Variants in SENP5 observed in about 807,000 individuals in gnomAD.
The protein encoded by SENP5 is SUMO specific peptidase 5, also known as sentrin-specific protease 5.
In SENP5, 21 loss-of-function variants were observed where a neutral mutation model predicts 74.2. That is an observed-to-expected ratio of 0.28 (90% confidence interval 0.20 to 0.41). The LOEUF (loss-of-function observed/expected upper bound fraction) is 0.41, where lower values mean the gene tolerates loss of function less well. SENP5 is among the 10% of genes least tolerant of loss of function. The probability of loss-of-function intolerance (pLI) is 1.00; values close to 1 mark genes in which losing one functional copy is unlikely to be tolerated. For synonymous variants in SENP5, 311 were observed against 312.7 expected (o/e 0.99, Z 0.06); for missense variants, 717 against 889.1 (o/e 0.81, Z 2.46).
chr3:196,912,926 CAAA>C (rs1026109982), intron 6 of SENP5: 4 of 151,834 alleles, frequency 2.6e-5, no homozygotes, highest in African/African-American at 9.7e-5. Context: ...CAAATTGAAA[CAAA>C]AACAGAAAGG....
chr3:196,886,505 A>G lies in SENP5; in HGVS notation c.1324A>G (p.Met442Val), dbSNP rs1215819241. ...TGTTCAAAATGAGAACTCATACCAG[A>G]TGGAGGAGGATGGATCTCTCAAGCA... The part of the protein sequence containing the change: ...KAVQNENSYQ[M>V]EEDGSLKQSI... Residue 442 changes from methionine (M) to valine (V), a missense_variant, in exon 2 of 10, where the codon ATG becomes GTG. Met to Val is a conservative substitution (Grantham distance 21). Transcript: ENST00000323460. 10 of 1,612,880 alleles carry G rather than the reference A, an allele frequency of 6.2e-6. No individual in the cohort carries two copies. The highest frequency in any genetic ancestry group is 8.5e-6 in the Non-Finnish European group (10 of 1,179,630).
intron 1 of SENP5, among the ~76,000 whole-genome samples, chr3:196,868,304 G>A (rs1399786977): frequency 6.6e-6 from 1 of 152,248 alleles, no homozygotes; most frequent in Non-Finnish European, 1.5e-5. Context: ...GCTCCAGCCG[G>A]GCTGTGCGTC....
chr3:196,923,296 T>C, intron 6 of SENP5, 118 bp from the exon 7 acceptor site: 2 of 1,090,282 alleles, frequency 1.8e-6, no homozygotes, highest in South Asian at 1.6e-5. Context: ...TTCTGGTTCA[T>C]TGCTTCCTAC....
At chr3:196,879,895 T>C (rs1439574966) in intron 1 of SENP5, among the ~76,000 whole-genome samples, 1 of 152,172 alleles carries the variant, frequency 6.6e-6, no homozygotes, top group Non-Finnish European at 1.5e-5. Context: ...TTGCAAAATA[T>C]TACAGTTTTT....
chr3:196,885,260 G>A lies in SENP5; in HGVS notation c.79G>A (p.Gly27Ser), dbSNP rs1713901075. Residue 27 changes from glycine to serine, a missense_variant, in exon 2 of 10, where the codon GGC (glycine) becomes AGC (serine). Transcript: ENST00000323460. Reference protein sequence around the residue: ...FSEKWNTGFGGFKKFYFHQHL... With the variant: ...FSEKWNTGFGSFKKFYFHQHL... ...TGAGAAATGGAATACTGGGTTTGGA[G>A]GCTTTAAGAAGTTTTATTTTCACCA... 1.8e-5 allele frequency: 29 copies of A among 1,614,112 alleles called. No homozygotes were observed. The highest frequency in any genetic ancestry group is 2.5e-5 in the Non-Finnish European group (29 of 1,180,006).
intron 1 of SENP5, among the ~76,000 whole-genome samples, chr3:196,884,874 T>G (rs1417977003): frequency 6.6e-6 from 1 of 152,130 alleles, no homozygotes; most frequent in East Asian, 1.9e-4. Flanking sequence ...ATTGCAGGTG[T>G]GAGCCACTGC....
intron 6 of SENP5, chr3:196,914,586 A>AAAAAATATATATATATATATATAT: frequency 9.0e-5 from 3 of 33,496 alleles, no homozygotes; most frequent in Non-Finnish European, 1.5e-4. Context: ...AAAAAAAAAA[A>AAAAAATATATATATATATATATAT]ATATATATAT....
chr3:196,901,775 A>G (rs1055962298), intron 5 of SENP5, among the ~76,000 whole-genome samples: 1 of 152,246 alleles, frequency 6.6e-6, no homozygotes, highest in Non-Finnish European at 1.5e-5. Flanking sequence ...AACAATATAG[A>G]TTATCTTTAA....
At chr3:196,924,006 A>G (rs1715721554) in intron 7 of SENP5, among the ~76,000 whole-genome samples, 1 of 152,228 alleles carries the variant, frequency 6.6e-6, no homozygotes. Context: ...AGAACCAGTA[A>G]GAAAATGTAA....
chr3:196,902,351 T>C, intron 5 of SENP5, among the ~76,000 whole-genome samples: 1 of 152,226 alleles, frequency 6.6e-6, no homozygotes, highest in South Asian at 2.1e-4. Flanking sequence ...TAGCTTGAGC[T>C]CTGGGCTTAG....
chr3:196,893,114 A>T (rs968995426), intron 2 of SENP5, among the ~76,000 whole-genome samples: 1 of 152,198 alleles, frequency 6.6e-6, no homozygotes, highest in Non-Finnish European at 1.5e-5. Flanking sequence ...GAACCTGTAT[A>T]CTGTTTTCCT....
chr3:196,913,647 C>CTTTTTTTTTTTTTT (rs1229412806), intron 6 of SENP5, among the ~76,000 whole-genome samples: 1 of 98,090 alleles, frequency 1.0e-5, no homozygotes, highest in Non-Finnish European at 2.1e-5. Flanking sequence ...ATAAGAAAGG[C>CTTTTTTTTTTTTTT]TTTTTTTTTT....
chr3:196,891,736 T>C (rs1323149972), intron 2 of SENP5, among the ~76,000 whole-genome samples: 2 of 152,188 alleles, frequency 1.3e-5, no homozygotes, highest in African/African-American at 4.8e-5. Context: ...GAGTTTGAGG[T>C]TGAAGTGAGC....
chr3:196,899,436 G>A (rs978549304), intron 2 of SENP5, among the ~76,000 whole-genome samples: 3 of 152,090 alleles, frequency 2.0e-5, no homozygotes, highest in South Asian at 2.1e-4. Context: ...AAAATCTAAT[G>A]TGAAATGATT....
intron 1 of SENP5, among the ~76,000 whole-genome samples, chr3:196,879,755 C>G (rs1713640315): frequency 6.6e-6 from 1 of 151,980 alleles, no homozygotes; most frequent in African/African-American, 2.4e-5. Flanking sequence ...CTCTGTAAAC[C>G]TTTTTTGTTA....
intron 6 of SENP5, among the ~76,000 whole-genome samples, chr3:196,906,211 C>T (rs1714895669): frequency 6.6e-6 from 1 of 151,402 alleles, no homozygotes; most frequent in South Asian, 2.1e-4. Context: ...CAGAGCAAGA[C>T]TTTCTAAAAA....
intron 1 of SENP5, among the ~76,000 whole-genome samples, chr3:196,883,207 A>G (rs1713805129): frequency 6.6e-6 from 1 of 152,010 alleles, no homozygotes; most frequent in Non-Finnish European, 1.5e-5. Flanking sequence ...TGCCATGTGG[A>G]GTTAAGTAGG....
intron 2 of SENP5, among the ~76,000 whole-genome samples, chr3:196,890,077 C>T (rs1714140027): frequency 6.6e-6 from 1 of 152,178 alleles, no homozygotes; most frequent in African/African-American, 2.4e-5. Context: ...TCTTAGTGTC[C>T]TTATTCCCAC....
chr3:196,877,041 T>G (rs1713507453), intron 1 of SENP5, among the ~76,000 whole-genome samples: 1 of 152,022 alleles, frequency 6.6e-6, no homozygotes, highest in African/African-American at 2.4e-5. Flanking sequence ...TGCTTTTGGC[T>G]GGGCATGGAG....
Sources: gnomAD v4.1 joint callset for allele counts (sites outside exome capture counted in the v4.1 genomes callset) on GRCh38, gnomAD v4.1.1 for gene constraint, MANE v1.5 for transcripts, NCBI Gene and HGNC (gene_info 2026-07-23, HGNC 2026-07-21) for gene names.